The following ERBB4 variants were observed in gnomAD, a reference collection of about 807,000 sequenced individuals.
The protein encoded by ERBB4 is erb-b2 receptor tyrosine kinase 4.
Under a neutral mutation model 158.0 loss-of-function variants are expected in ERBB4, and 42 were observed. The observed-to-expected ratio is 0.27, with a 90% confidence interval of 0.21 to 0.34. The LOEUF (loss-of-function observed/expected upper bound fraction) is 0.34, where lower values mean the gene tolerates loss of function less well. Among genes scored for constraint, ERBB4 ranks in the 10% least tolerant of loss-of-function variants. The probability of loss-of-function intolerance (pLI) is 1.00; values close to 1 mark genes in which losing one functional copy is unlikely to be tolerated. For synonymous variants in ERBB4, 583 were observed against 558.7 expected, an observed-to-expected ratio of 1.04 and a Z score of -0.61; for missense variants, 1,333 against 1,624.1, an observed-to-expected ratio of 0.82 and a Z score of 3.08.
chr2:211,851,684 C>A (rs964379888), intron 3 of ERBB4, among the ~76,000 whole-genome samples: 1 of 151,806 alleles, frequency 6.6e-6, no homozygotes, highest in Admixed American at 6.6e-5. Flanking sequence ...ATATTTATAT[C>A]CCATAAAATA....
At chr2:211,974,457 T>C (rs1401757557) in intron 2 of ERBB4, among the ~76,000 whole-genome samples, 2 of 152,166 alleles carry the variant, frequency 1.3e-5, no homozygotes, top group African/African-American at 2.4e-5. Flanking sequence ...AAACCCTCAG[T>C]TGTGGTTCAA....
chr2:212,040,034 G>A (rs2077101186), intron 2 of ERBB4, among the ~76,000 whole-genome samples: 1 of 150,834 alleles, frequency 6.6e-6, no homozygotes. Context: ...TTTTAGTTCA[G>A]GTATTTTTTT....
At chr2:211,870,543 A>G (rs965403768) in intron 3 of ERBB4, among the ~76,000 whole-genome samples, 1 of 152,156 alleles carries the variant, frequency 6.6e-6, no homozygotes, top group African/African-American at 2.4e-5. Flanking sequence ...CTATAAGATC[A>G]AAATTCTAAT....
chr2:211,433,454 G>A (rs528806542), intron 20 of ERBB4, among the ~76,000 whole-genome samples: 7 of 152,042 alleles, frequency 4.6e-5, no homozygotes, highest in Non-Finnish European at 8.8e-5. Flanking sequence ...GATGGTGGGC[G>A]CCTGTAGTCC....
chr2:212,161,861 A>G (rs1441460014), intron 1 of ERBB4, among the ~76,000 whole-genome samples: 3 of 151,868 alleles, frequency 2.0e-5, no homozygotes, highest in African/African-American at 7.2e-5. Flanking sequence ...ACTAATTTTT[A>G]TCATAACATA....
chr2:211,664,020 G>A (rs558660556), intron 15 of ERBB4, among the ~76,000 whole-genome samples: 8 of 152,142 alleles, frequency 5.3e-5, no homozygotes, highest in South Asian at 4.2e-4. Context: ...AAATGTATAC[G>A]TGCTTATATG....
intron 3 of ERBB4, among the ~76,000 whole-genome samples, chr2:211,941,807 T>C (rs1262389083): frequency 6.9e-6 from 1 of 145,348 alleles, no homozygotes; most frequent in Non-Finnish European, 1.5e-5. Context: ...ACAAATACAA[T>C]AGTTTTCTCA....
chr2:211,388,863 A>G (rs1559118910), intron 25 of ERBB4, among the ~76,000 whole-genome samples: 1 of 152,182 alleles, frequency 6.6e-6, no homozygotes, highest in Non-Finnish European at 1.5e-5. Flanking sequence ...TACATTAAAC[A>G]CATTTTTTGA....
intron 1 of ERBB4, among the ~76,000 whole-genome samples, chr2:212,459,829 T>A (rs562221275): frequency 6.6e-6 from 1 of 152,222 alleles, no homozygotes; most frequent in East Asian, 1.9e-4. Context: ...CACCAGAACA[T>A]CCATGTGAGA....
intron 4 of ERBB4, chr2:211,779,189 CTT>C (rs1320912520): frequency 2.6e-5 from 4 of 152,204 alleles, no homozygotes; most frequent in African/African-American, 2.4e-5. Context: ...GCATCAAGGT[CTT>C]TAGCTGATTA....
intron 20 of ERBB4, among the ~76,000 whole-genome samples, chr2:211,559,450 T>G (rs977809622): frequency 6.6e-6 from 1 of 152,236 alleles, no homozygotes; most frequent in African/African-American, 2.4e-5. Context: ...GACTTTTCTG[T>G]GCCTGTTGTC....
At chr2:211,982,449 G>A (rs2081828028) in intron 2 of ERBB4, among the ~76,000 whole-genome samples, 1 of 152,202 alleles carries the variant, frequency 6.6e-6, no homozygotes, top group Non-Finnish European at 1.5e-5. Flanking sequence ...TTAAAGCTCT[G>A]AGAACAAGGA....
At chr2:211,889,815 G>A (rs2078915538) in intron 3 of ERBB4, among the ~76,000 whole-genome samples, 1 of 152,086 alleles carries the variant, frequency 6.6e-6, no homozygotes. Context: ...AGCAATGTAG[G>A]TGAAATGAAT....
intron 16 of ERBB4, among the ~76,000 whole-genome samples, chr2:211,638,208 A>G (rs1319101706): frequency 6.6e-6 from 1 of 151,934 alleles, no homozygotes; most frequent in Non-Finnish European, 1.5e-5. Flanking sequence ...AAAGGTAAAG[A>G]CGAGCAGTAT....
chr2:211,657,644 A>G (rs2071268108), intron 16 of ERBB4, 110 bp downstream of exon 16: 3 of 840,774 alleles, frequency 3.6e-6, no homozygotes, highest in Admixed American at 3.8e-5. Flanking sequence ...CCAATTTGAT[A>G]TATTATGAGT....
At chr2:212,284,142 T>C (rs922172787) in intron 1 of ERBB4, among the ~76,000 whole-genome samples, 2 of 152,140 alleles carry the variant, frequency 1.3e-5, no homozygotes, top group African/African-American at 4.8e-5. Flanking sequence ...TTCAACGTAA[T>C]ATTATCAACA....
intron 1 of ERBB4, among the ~76,000 whole-genome samples, chr2:212,483,216 A>G (rs984274862): frequency 3.9e-5 from 6 of 152,206 alleles, no homozygotes; most frequent in Non-Finnish European, 2.9e-5. Context: ...ACTGGAACAG[A>G]TGACTGACGT....
At chr2:211,805,565 G>T (rs1408868855) in intron 3 of ERBB4, among the ~76,000 whole-genome samples, 1 of 152,116 alleles carries the variant, frequency 6.6e-6, no homozygotes, top group African/African-American at 2.4e-5. Flanking sequence ...TGGCCTCTTC[G>T]CCAAACCATG....
intron 9 of ERBB4, among the ~76,000 whole-genome samples, chr2:211,708,330 C>A (rs1038026939): frequency 6.6e-6 from 1 of 151,956 alleles, no homozygotes; most frequent in Non-Finnish European, 1.5e-5. Flanking sequence ...ACTTGAGACC[C>A]AATTATAATT....
Sources: gnomAD v4.1 joint callset for allele counts (sites outside exome capture counted in the v4.1 genomes callset) on GRCh38, gnomAD v4.1.1 for gene constraint, MANE v1.5 for transcripts, NCBI Gene and HGNC (gene_info 2026-07-23, HGNC 2026-07-21) for gene names.